The following GFPT1 variants were observed in gnomAD, a reference collection of about 807,000 sequenced individuals.
GFPT1 encodes glutamine--fructose-6-phosphate aminotransferase [isomerizing] 1.
GFPT1 carries 40 observed loss-of-function variants against 92.0 expected under a neutral mutation model. That is an observed-to-expected ratio of 0.43 (90% confidence interval 0.34 to 0.57). The LOEUF is 0.57. Among genes scored for constraint, GFPT1 ranks in the 20% least tolerant of loss-of-function variants. The probability of loss-of-function intolerance (pLI) is 0.02; values close to 1 mark genes in which losing one functional copy is unlikely to be tolerated. For synonymous variants in GFPT1, 269 were observed against 280.6 expected (o/e 0.96, Z 0.41); for missense variants, 448 against 869.1 (o/e 0.52, Z 6.09).
chr2:69,380,839 A>C (rs1384590450), intron 1 of GFPT1, among the ~76,000 whole-genome samples: 2 of 152,130 alleles, frequency 1.3e-5, no homozygotes, highest in Non-Finnish European at 2.9e-5. Flanking sequence ...CTGCTGACCA[A>C]TCCTATTAAT....
chr2:69,363,402 C>A (rs750119956), intron 4 of GFPT1, 143 bp downstream of exon 4: 50 of 857,542 alleles, frequency 5.8e-5, no homozygotes, highest in Non-Finnish European at 8.4e-5. Flanking sequence ...GCACTCTCAG[C>A]TCCATATGCT....
At chr2:69,362,573 G>A (rs938071155) in intron 4 of GFPT1, among the ~76,000 whole-genome samples, 4 of 152,050 alleles carry the variant, frequency 2.6e-5, no homozygotes, top group Admixed American at 6.6e-5. Flanking sequence ...TGAGGTGGGC[G>A]GATCACAAGG....
chr2:69,348,410 A>G, intron 10 of GFPT1, 76 bp from the exon 11 acceptor site: 3 of 1,183,742 alleles, frequency 2.5e-6, no homozygotes, highest in Non-Finnish European at 3.8e-6. Flanking sequence ...ATTTGGATAC[A>G]AGAACCAAAT....
Position 69,345,483 on chromosome 2 carries a change from T to C in GFPT1, c.1105+421A>G, listed in dbSNP as rs568106019. Among the ~76,000 whole-genome samples, 6 of 152,316 alleles carry C rather than the reference T, an allele frequency of 3.9e-5. No homozygotes were observed. In the South Asian group the frequency reaches 1.2e-3, roughly 32 times the overall value. On this transcript the variant is annotated intron_variant, in intron 12 of 19. Transcript: ENST00000357308. ...AATTCACAGTACCTAGGACAGTCCC[T>C]GGTACACAGTGGGTGACCTACACAT...
At chr2:69,371,201 AAAT>A (rs1446097296) in intron 2 of GFPT1, 15 of 146,208 alleles carry the variant, frequency 1.0e-4, no homozygotes, top group Non-Finnish European at 1.9e-4. Context: ...TCAGCCTCCC[AAAT>A]AGCTGGGATC....
chr2:69,379,197 T>C (rs577456344), intron 1 of GFPT1, among the ~76,000 whole-genome samples: 1 of 152,322 alleles, frequency 6.6e-6, no homozygotes, highest in South Asian at 2.1e-4. Flanking sequence ...ATAACTACTG[T>C]TATTCCCATA....
Position 69,327,866 on chromosome 2 carries a change from G to C in GFPT1, c.1893+405C>G, listed in dbSNP as rs573507230. Among the ~76,000 whole-genome samples the C allele has an allele frequency of 1.3e-4, 20 of 152,096 alleles. No individual in the cohort carries two copies. The East Asian group carries it at 2.7e-3, about 21-fold the overall frequency. ...GCCTGTAATCCCAGAACTTTGGGGG[G>C]TTGAGGCAGGTGGATCACTTCAGGT... On this transcript the variant is annotated intron_variant, in intron 18 of 19. Transcript: ENST00000357308.
chr2:69,384,693 C>CAAAAAAAAAAAAAA (rs71964630), intron 1 of GFPT1, among the ~76,000 whole-genome samples: 5 of 106,624 alleles, frequency 4.7e-5, no homozygotes, highest in African/African-American at 6.6e-5. Flanking sequence ...GGCCCCGTCA[C>CAAAAAAAAAAAAAA]AAAAAAAAAA....
chr2:69,363,508 C>T (rs768174515), intron 4 of GFPT1, 37 bp downstream of exon 4: 9 of 1,603,222 alleles, frequency 5.6e-6, no homozygotes, highest in Middle Eastern at 1.7e-4. Flanking sequence ...TATTAGGTTT[C>T]CACAATCATT....
chr2:69,355,687 A>G (rs1671319384), intron 7 of GFPT1, among the ~76,000 whole-genome samples: 1 of 152,190 alleles, frequency 6.6e-6, no homozygotes, highest in African/African-American at 2.4e-5. Flanking sequence ...ATGCCAATAT[A>G]TGAAAGTGTA....
intron 2 of GFPT1, among the ~76,000 whole-genome samples, chr2:69,372,037 T>C (rs1305322530): frequency 6.1e-5 from 9 of 148,386 alleles, no homozygotes; most frequent in Non-Finnish European, 1.2e-4. Flanking sequence ...CCGTCTCTAC[T>C]AAAAATACAA....
At chr2:69,364,439 T>C (rs934027183) in intron 3 of GFPT1, among the ~76,000 whole-genome samples, 1 of 152,244 alleles carries the variant, frequency 6.6e-6, no homozygotes, top group African/African-American at 2.4e-5. Flanking sequence ...ATTAATGTAA[T>C]CTTTTAAATC....
chr2:69,356,532 T>C lies in GFPT1; in HGVS notation c.569A>G (p.Lys190Arg). The C allele has an allele frequency of 6.2e-7, 1 of 1,613,588 alleles. No individual in the cohort carries two copies. ...QLEGAFALVFKSVHFPGQAVG... is the reference protein window; with the variant it reads ...QLEGAFALVFRSVHFPGQAVG... ...TGCTTGCCCGGGAAAATGAACACTT[T>C]TAAACACAAGTGCAAAAGCACCTTC... Residue 190 changes from lysine to arginine, a missense_variant, in exon 7 of 20, where the codon AAA becomes AGA. Coordinates refer to ENST00000357308, the MANE Select transcript of GFPT1 (RefSeq NM_001244710.2).
intron 1 of GFPT1, among the ~76,000 whole-genome samples, chr2:69,386,235 G>C (rs1195450118): frequency 6.6e-6 from 1 of 152,190 alleles, no homozygotes; most frequent in Non-Finnish European, 1.5e-5. Context: ...TGGAATAAAA[G>C]GGCCTAACCT....
intron 12 of GFPT1, among the ~76,000 whole-genome samples, chr2:69,344,528 A>G (rs1671037049): frequency 6.6e-6 from 1 of 152,210 alleles, no homozygotes; most frequent in African/African-American, 2.4e-5. Context: ...TCAATAAATG[A>G]CTAACAATGT....
chr2:69,377,477 C>A (rs554684121), intron 1 of GFPT1, among the ~76,000 whole-genome samples: 2 of 136,140 alleles, frequency 1.5e-5, no homozygotes, highest in Non-Finnish European at 3.1e-5. Flanking sequence ...GGTGAAACCC[C>A]GTCTCTACTA....
chr2:69,379,831 T>C (rs1671964633), intron 1 of GFPT1, among the ~76,000 whole-genome samples: 1 of 152,056 alleles, frequency 6.6e-6, no homozygotes, highest in Non-Finnish European at 1.5e-5. Context: ...GCAATTCTCC[T>C]GCCTCAGCCT....
chr2:69,345,308 G>T (rs1671057421), intron 12 of GFPT1, among the ~76,000 whole-genome samples: 1 of 152,228 alleles, frequency 6.6e-6, no homozygotes, highest in Middle Eastern at 3.4e-3. Context: ...ATGCAGGAGG[G>T]TACAGGTTAT....
chr2:69,319,877 A>T lies in GFPT1; in HGVS notation c.*6312T>A, dbSNP rs1200801358. 2 of 152,230 alleles carry T rather than the reference A, an allele frequency of 1.3e-5. No individual in the cohort carries two copies. The highest frequency in any genetic ancestry group is 2.9e-5 in the Non-Finnish European group (2 of 68,042). The allele number at this position is 152,230 out of a possible 1,614,324, so 9.4% of individuals were successfully genotyped here. A position where few individuals can be genotyped will look rare whatever the true frequency, so the allele number is the denominator to read the frequency against. On this transcript the variant is annotated 3_prime_UTR_variant, in exon 20 of 20. Transcript: ENST00000357308. ...ATATTTCAAAACAATTCTACATACA[A>T]AGTACAATAGGAAAAAACCAAAAGC... is the stretch of plus-strand genomic sequence containing the variant.
Sources: gnomAD v4.1 joint callset for allele counts (sites outside exome capture counted in the v4.1 genomes callset) on GRCh38, gnomAD v4.1.1 for gene constraint, MANE v1.5 for transcripts, NCBI Gene and HGNC (gene_info 2026-07-23, HGNC 2026-07-21) for gene names.